ELFN2: variants seen among roughly 807,000 people sequenced by gnomAD.
The protein encoded by ELFN2 is protein phosphatase 1 regulatory subunit 29.
In ELFN2, 17 loss-of-function variants were observed where a neutral mutation model predicts 45.5. The observed-to-expected ratio is 0.37, with a 90% CI of 0.26 to 0.56. ELFN2 has a LOEUF of 0.56. Among genes scored for constraint, ELFN2 ranks in the 20% least tolerant of loss-of-function variants. The probability of loss-of-function intolerance (pLI) is 0.77; values close to 1 mark genes in which losing one functional copy is unlikely to be tolerated. For synonymous variants in ELFN2, 550 were observed against 551.5 expected (o/e 1.00, Z 0.04); for missense variants, 922 against 1,183.2 (o/e 0.78, Z 3.24).
intron 1 of ELFN2, chr22:37,418,906 A>ACGGGCCT (rs1365245751): frequency 1.3e-5 from 2 of 152,202 alleles, no homozygotes; most frequent in African/African-American, 4.8e-5. Flanking sequence ...TCCCAGACAG[A>ACGGGCCT]CGGGCCTCGG....
rs141694925 is a variant in ELFN2, at chr22:37,396,267, G to A, written c.-462-20271C>T. Among the ~76,000 whole-genome samples the A allele has an allele frequency of 9.1e-3, 1,392 of 152,346 alleles. 23 individuals are homozygous for A. Among genetic ancestry groups the A allele is most frequent in the African/African-American group, 0.032 (1,316 of 41,576 alleles). ...AATTTTCAGATTGGGTTTGCTGAAA[G>A]TGAGCTAACACTCCTGGCTTTCTAG... On this transcript the variant is annotated intron_variant, in intron 2 of 2. Coordinates refer to ENST00000402918, the MANE Select transcript of ELFN2 (RefSeq NM_052906.5).
intron 2 of ELFN2, among the ~76,000 whole-genome samples, chr22:37,389,958 C>A (rs146682892): frequency 6.6e-6 from 1 of 152,308 alleles, no homozygotes; most frequent in East Asian, 1.9e-4. Context: ...GGGGTGGGAA[C>A]CAAGCTGGTG....
chr22:37,355,577 T>C (rs1194697778), intron 1 of ELFN2, among the ~76,000 whole-genome samples: 2 of 151,866 alleles, frequency 1.3e-5, no homozygotes, highest in Non-Finnish European at 2.9e-5. Context: ...CACCCATCGA[T>C]TGTGGCCTTG....
chr22:37,400,067 C>T (rs533904028), intron 2 of ELFN2, among the ~76,000 whole-genome samples: 4 of 152,280 alleles, frequency 2.6e-5, no homozygotes, highest in African/African-American at 9.6e-5. Context: ...AAGCCCTCCA[C>T]GTCCCCAGCC....
intron 1 of ELFN2, among the ~76,000 whole-genome samples, chr22:37,348,352 C>CAAACGGGAAACG (rs1930743903): frequency 6.6e-6 from 1 of 151,550 alleles, no homozygotes; most frequent in Non-Finnish European, 1.5e-5. Context: ...AAGGGGCTTC[C>CAAACGGGAAACG]AGGCTCAGTG....
At chr22:37,408,796 C>T (rs1025107242) in intron 2 of ELFN2, among the ~76,000 whole-genome samples, 30 of 152,192 alleles carry the variant, frequency 2.0e-4, no homozygotes, top group African/African-American at 7.2e-4. Flanking sequence ...CTCAGTTTCC[C>T]CACCTGTCAA....
downstream of ELFN2, among the ~76,000 whole-genome samples, chr22:37,367,710 C>T (rs755951271): frequency 6.6e-5 from 10 of 152,150 alleles, no homozygotes; most frequent in Non-Finnish European, 1.2e-4. Flanking sequence ...GGTCATCAGG[C>T]CCCCAACCCA....
At chr22:37,420,057 G>A (rs1162118558) in intron 1 of ELFN2, among the ~76,000 whole-genome samples, 1 of 152,174 alleles carries the variant, frequency 6.6e-6, no homozygotes, top group African/African-American at 2.4e-5. Context: ...CGGGCCAGCC[G>A]GGCGCAAGTT....
rs7289607 is a variant in ELFN2, at chr22:37,368,527, C to G, written c.*4545G>C. 107,243 of 152,220 alleles carry G rather than the reference C, an allele frequency of 0.7. 38,208 individuals carry two copies. Among genetic ancestry groups the G allele is most frequent in the South Asian group, 0.81 (3,915 of 4,832 alleles). The allele number at this position is 152,220 out of a possible 1,614,324, so 9.4% of individuals were successfully genotyped here. The stretch of plus-strand genomic sequence containing the variant: ...GACCCTGGTTTTGTCTTAGAAGGGG[C>G]ACCCAGGGTCAGGGAAGGAGTGTGT... On this transcript the variant is annotated 3_prime_UTR_variant, in exon 3 of 3. Coordinates refer to ENST00000402918, the MANE Select transcript of ELFN2 (RefSeq NM_052906.5).
rs1271753443 is a variant in ELFN2, at chr22:37,427,309, C to CCGGGATCCGGGCCAAGCA, written c.-643_-626dup. On this transcript the variant is annotated 5_prime_UTR_variant, in exon 1 of 3. Transcript: ENST00000402918. ...AGGAATTCACTTACCCCAGCCCCAGCCGGGATCCGGGCCAAGCACCGCCTC... is the reference window on the plus strand; with the variant it reads ...AGGAATTCACTTACCCCAGCCCCAGCCGGGATCCGGGCCAAGCACGGGATCCGGGCCAAGCACCGCCTC... The CCGGGATCCGGGCCAAGCA allele has an allele frequency of 1.3e-5, 2 of 152,630 alleles. No individual in the cohort carries two copies. The allele number at this position is 152,630 out of a possible 1,614,324, so 9.5% of individuals were successfully genotyped here. A position where few individuals can be genotyped will look rare whatever the true frequency, so the allele number is the denominator to read the frequency against.
chr22:37,359,402 C>T (rs900628358), intron 1 of ELFN2, among the ~76,000 whole-genome samples: 4 of 152,298 alleles, frequency 2.6e-5, no homozygotes, highest in Middle Eastern at 3.4e-3. Flanking sequence ...TCCTTTACCC[C>T]ACTCGGAGGT....
At position 37,369,545 on chromosome 22, in the gene ELFN2, G is replaced by C. The variant is rs1228442622; in HGVS notation, c.*3527C>G. 6.6e-6 allele frequency: 1 copy of C among 152,244 alleles called. No individual in the cohort carries two copies. Among genetic ancestry groups the C allele is most frequent in the Non-Finnish European group, 1.5e-5 (1 of 68,060 alleles). 9.4% of individuals were successfully genotyped at this position (152,244 alleles called of 1,614,324 possible). ...AAAGCAAGGCCGGGACCCGTGACGA[G>C]GTTTCCCCACCAACCAGGCTTTCTT... On this transcript the variant is annotated 3_prime_UTR_variant, in exon 3 of 3. Coordinates refer to ENST00000402918, the MANE Select transcript of ELFN2 (RefSeq NM_052906.5).
chr22:37,348,570 C>A (rs1461727218), intron 1 of ELFN2, among the ~76,000 whole-genome samples: 1 of 150,694 alleles, frequency 6.6e-6, no homozygotes, highest in Non-Finnish European at 1.5e-5. Context: ...AGGTGAGGCC[C>A]AGCCCCGGGC....
chr22:37,363,598 C>T (rs1042917243), downstream of ELFN2, among the ~76,000 whole-genome samples: 3 of 152,104 alleles, frequency 2.0e-5, no homozygotes, highest in Non-Finnish European at 2.9e-5. Flanking sequence ...GTGGGCTTGG[C>T]GCTGACAGCA....
chr22:37,406,718 G>T (rs954325168), intron 2 of ELFN2, among the ~76,000 whole-genome samples: 8 of 152,242 alleles, frequency 5.3e-5, no homozygotes, highest in African/African-American at 1.7e-4. Context: ...GACTTCCTGG[G>T]GGAGGCTGAG....
chr22:37,375,255 T>G lies in ELFN2; in HGVS notation c.280A>C (p.Ile94Leu). The change falls in exon 3 of 3, where the codon ATC becomes CTC. Residue 94 changes from isoleucine (I) to leucine (L), a missense_variant. Physicochemically the swap from Ile to Leu is conservative, Grantham distance 5. Around this residue, in one of 2 missense-constraint regions of ELFN2, gnomAD observed 358 missense variants for 540.4 expected, o/e 0.66. Coordinates refer to ENST00000402918, the MANE Select transcript of ELFN2 (RefSeq NM_052906.5). ...LNLTKNEISY[I>L]EDGAFLGQSS... ...TGGCCCAGGAAGGCACCGTCCTCGA[T>G]GTAGGAGATCTCGTTCTTGGTGAGG... is the stretch of plus-strand genomic sequence containing the variant. The G allele has an allele frequency of 6.2e-7, 1 of 1,614,000 alleles. No individual in the cohort carries two copies. The highest frequency in any genetic ancestry group is 8.5e-7 in the Non-Finnish European group (1 of 1,179,982).
downstream of ELFN2, among the ~76,000 whole-genome samples, chr22:37,364,574 G>A (rs1329134062): frequency 6.6e-6 from 1 of 152,194 alleles, no homozygotes; most frequent in Non-Finnish European, 1.5e-5. Context: ...AAGGGAGCAG[G>A]AAACCCCATG....
chr22:37,397,371 C>T (rs933792324), intron 2 of ELFN2, among the ~76,000 whole-genome samples: 1 of 152,196 alleles, frequency 6.6e-6, no homozygotes, highest in African/African-American at 2.4e-5. Context: ...AGCTGGCATC[C>T]GTCTCCACTC....
chr22:37,396,997 G>A (rs950167411), intron 2 of ELFN2, among the ~76,000 whole-genome samples: 1 of 152,134 alleles, frequency 6.6e-6, no homozygotes, highest in South Asian at 2.1e-4. Flanking sequence ...TGTCTCTCCT[G>A]CTCAAAATCT....
Sources: allele counts gnomAD v4.1 joint callset (sites outside exome capture counted in the v4.1 genomes callset), GRCh38; gene constraint gnomAD v4.1.1; regional missense constraint gnomAD v4.1.1; transcripts MANE v1.5; gene names NCBI Gene and HGNC (gene_info 2026-07-23, HGNC 2026-07-21).